Variants in CRYBG1 observed in about 807,000 individuals in gnomAD.
CRYBG1 encodes the protein beta/gamma crystallin domain-containing protein 1.
A neutral mutation model predicts 189.2 loss-of-function variants in CRYBG1; 139 were observed. The ratio of observed to expected loss-of-function variants is 0.73; its 90% CI spans 0.64 to 0.85. CRYBG1 has a LOEUF of 0.85. CRYBG1 is among the 40% of genes least tolerant of loss of function. The probability of loss-of-function intolerance (pLI) is 0.00; values close to 1 mark genes in which losing one functional copy is unlikely to be tolerated. For missense variants in CRYBG1, 2,611 were observed against 2,675.8 expected (o/e 0.98, Z 0.53); for synonymous variants, 1,023 against 1,017.1 (o/e 1.01, Z -0.11).
chr6:106,367,295 A>T (rs970157891), intron 1 of CRYBG1, among the ~76,000 whole-genome samples: 2 of 152,066 alleles, frequency 1.3e-5, no homozygotes, highest in African/African-American at 4.8e-5. Context: ...GCTCTTTTTT[A>T]AAAAAATATT....
rs768396100 is a variant in CRYBG1 at position 106,463,884 on chromosome 6, G to C, written c.312+12052G>C. On this transcript the variant is annotated intron_variant, in intron 2 of 21. Coordinates refer to ENST00000633556, the MANE Select transcript of CRYBG1 (RefSeq NM_001371242.2). Reference sequence around the variant, plus strand: ...GCTACAGAGAGGCCAAAAAGTCACTGTGTGTAGATTCATGTCCATGGCTAA... The same window carrying C: ...GCTACAGAGAGGCCAAAAAGTCACTCTGTGTAGATTCATGTCCATGGCTAA... Among the ~76,000 whole-genome samples, 9 of 152,196 alleles carry C rather than the reference G, an allele frequency of 5.9e-5. No homozygotes were observed. The South Asian group carries it at 1.9e-3, about 31-fold the overall frequency.
In CRYBG1 at chr6:106,402,795, T is replaced by C. The variant is rs80113614; in HGVS notation, c.173+41714T>C. ...GAGGAAATGACCACCGAGCCCTTGA[T>C]CTATGGCCTGAAGGAATGATAATTA... On this transcript the variant is annotated intron_variant, in intron 1 of 21. Coordinates refer to ENST00000633556, the MANE Select transcript of CRYBG1 (RefSeq NM_001371242.2). 4.1e-4 allele frequency among the ~76,000 whole-genome samples: 63 copies of C among 152,038 alleles called. 1 individual carries two copies. In the East Asian group the frequency reaches 0.012, roughly 28 times the overall value.
chr6:106,395,430 C>T (rs1056911314), intron 1 of CRYBG1, among the ~76,000 whole-genome samples: 1 of 151,336 alleles, frequency 6.6e-6, no homozygotes, highest in Non-Finnish European at 1.5e-5. Context: ...TGAGTGAATG[C>T]TTAGCTCATT....
In CRYBG1 at chr6:106,558,541, A is replaced by G; in HGVS notation, c.5771A>G (p.Lys1924Arg). Residue 1924 changes from lysine (K) to arginine (R), a missense_variant, in exon 18 of 22, where the codon AAG becomes AGG. This residue lies in a region of CRYBG1 where 1,622 missense variants were observed against 1,735.0 expected (regional missense o/e 0.93). Transcript: ENST00000633556. ...GAAAGAGAAGACTTCAAAGGAAAAA[A>G]GATTGAACTTAATGCAGAAACTGTC... ...LFEREDFKGK[K>R]IELNAETVNL... 1 of 1,612,360 alleles carries G rather than the reference A, an allele frequency of 6.2e-7. No individual in the cohort carries two copies. Among genetic ancestry groups the G allele is most frequent in the Non-Finnish European group, 8.5e-7 (1 of 1,178,544 alleles).
intron 6 of CRYBG1, 134 bp downstream of exon 6, chr6:106,525,520 G>T: frequency 1.4e-6 from 1 of 715,318 alleles, no homozygotes. Context: ...CTCGTGGTAA[G>T]ATAAGGGATT....
chr6:106,565,162 T>C (rs1194248847), intron 21 of CRYBG1, among the ~76,000 whole-genome samples: 1 of 151,692 alleles, frequency 6.6e-6, no homozygotes, highest in Non-Finnish European at 1.5e-5. Context: ...TACTAAAAAA[T>C]ACAAAAAAAT....
intron 2 of CRYBG1, among the ~76,000 whole-genome samples, chr6:106,478,463 C>T (rs1349231074): frequency 6.6e-6 from 1 of 152,154 alleles, no homozygotes; most frequent in Admixed American, 6.5e-5. Context: ...TTGGGTTGTT[C>T]CTCTTACACA....
intron 2 of CRYBG1, among the ~76,000 whole-genome samples, chr6:106,460,166 T>A (rs1405880763): frequency 6.7e-6 from 1 of 149,644 alleles, no homozygotes; most frequent in Non-Finnish European, 1.5e-5. Context: ...TTTTTTTTTG[T>A]ATTTTTAGTA....
intron 2 of CRYBG1, among the ~76,000 whole-genome samples, chr6:106,458,690 G>T (rs1394269772): frequency 6.6e-6 from 1 of 152,136 alleles, no homozygotes; most frequent in Non-Finnish European, 1.5e-5. Flanking sequence ...TTTGAAGGTA[G>T]AGCAGGAAAT....
intron 1 of CRYBG1, 89 bp downstream of exon 1, chr6:106,361,170 G>A (rs1458287990): frequency 1.4e-6 from 2 of 1,398,454 alleles, no homozygotes; most frequent in Non-Finnish European, 1.9e-6. Context: ...GACCCCACTT[G>A]GAGGAGGGGA....
chr6:106,464,484 CTT>C (rs374126632), intron 2 of CRYBG1, among the ~76,000 whole-genome samples: 197 of 101,002 alleles, frequency 2.0e-3, no homozygotes, highest in African/African-American at 7.7e-3. Context: ...CAGAGTGAGA[CTT>C]TGTCTCAAAA....
chr6:106,485,612 G>C (rs1183041753), intron 2 of CRYBG1, among the ~76,000 whole-genome samples: 1 of 152,162 alleles, frequency 6.6e-6, no homozygotes, highest in Non-Finnish European at 1.5e-5. Flanking sequence ...GATGTCAACT[G>C]TGGGTTTGTA....
chr6:106,396,185 A>T (rs1455529601), intron 1 of CRYBG1, among the ~76,000 whole-genome samples: 1 of 151,880 alleles, frequency 6.6e-6, no homozygotes, highest in African/African-American at 2.4e-5. Flanking sequence ...TGCCAGGGTA[A>T]TTTTTTTTCC....
At chr6:106,453,719 T>C (rs1463305781) in intron 2 of CRYBG1, among the ~76,000 whole-genome samples, 1 of 152,192 alleles carries the variant, frequency 6.6e-6, no homozygotes, top group Non-Finnish European at 1.5e-5. Flanking sequence ...AACAAGTTCC[T>C]TGAGGTAGGT....
intron 2 of CRYBG1, among the ~76,000 whole-genome samples, chr6:106,466,917 G>A (rs9486355): frequency 1.5e-3 from 221 of 152,186 alleles, no homozygotes; most frequent in African/African-American, 5.1e-3. Flanking sequence ...TTTCAGAGAT[G>A]GCATTAGTAT....
At position 106,521,462 on chromosome 6, in the gene CRYBG1, C is replaced by T. The variant is rs1388535983; in HGVS notation, c.4245+9C>T. On this transcript the variant is annotated intron_variant, in intron 4 of 21. Transcript: ENST00000633556. ...CATTATCAGACACAATGGTAAGTAG[C>T]AATGTGTTATTATTTATTTGGGGTA... is the stretch of plus-strand genomic sequence containing the variant. The T allele has an allele frequency of 6.4e-7, 1 of 1,553,130 alleles. No individual in the cohort carries two copies. Among genetic ancestry groups the T allele is most frequent in the Non-Finnish European group, 8.7e-7 (1 of 1,153,856 alleles).
chr6:106,389,243 A>G (rs1770452887), intron 1 of CRYBG1, among the ~76,000 whole-genome samples: 1 of 151,988 alleles, frequency 6.6e-6, no homozygotes, highest in Non-Finnish European at 1.5e-5. Flanking sequence ...TTTATTGGCC[A>G]CTTACTTGTA....
At chr6:106,496,239 A>G (rs922158941) in intron 2 of CRYBG1, among the ~76,000 whole-genome samples, 1 of 152,276 alleles carries the variant, frequency 6.6e-6, no homozygotes, top group Non-Finnish European at 1.5e-5. Flanking sequence ...AGAAGTTTAC[A>G]TAAGACCTAT....
rs754480806 is a variant in CRYBG1, at chr6:106,558,511, T to G, written c.5741T>G (p.Leu1914Arg). ...GAATTTTCTGAACCAACAATTATTC[T>G]CTTTGAAAGAGAAGACTTCAAAGGA... ...DVEFSEPTIILFEREDFKGKK... is the reference protein window; with the variant it reads ...DVEFSEPTIIRFEREDFKGKK... The change falls in exon 18 of 22, where the codon CTC (leucine) becomes CGC (arginine). Residue 1914 changes from leucine (L) to arginine (R), a missense_variant. Physicochemically the swap from Leu to Arg is moderately radical, Grantham distance 102. Transcript: ENST00000633556. The G allele has an allele frequency of 6.2e-7, 1 of 1,603,782 alleles. No homozygotes were observed.
Sources: allele counts gnomAD v4.1 joint callset (sites outside exome capture counted in the v4.1 genomes callset), GRCh38; gene constraint gnomAD v4.1.1; regional missense constraint gnomAD v4.1.1; transcripts MANE v1.5; gene names NCBI Gene and HGNC (gene_info 2026-07-23, HGNC 2026-07-21).